Variants in ERC2 observed in about 807,000 individuals in gnomAD.
The protein encoded by ERC2 is ELKS/RAB6-interacting/CAST family member 2, also known as ERC protein 2.
In ERC2, 42 loss-of-function variants were observed where a neutral mutation model predicts 114.8. The observed-to-expected ratio is 0.37, with a 90% CI of 0.29 to 0.47. ERC2 has a LOEUF of 0.47. ERC2 is among the 20% of genes least tolerant of loss of function. The pLI is 0.99. For synonymous variants in ERC2, 454 were observed against 425.5 expected (o/e 1.07, Z -0.82); for missense variants, 939 against 1,150.7 (o/e 0.82, Z 2.66).
chr3:55,838,532 A>C (rs541816878), intron 14 of ERC2, among the ~76,000 whole-genome samples: 2 of 152,080 alleles, frequency 1.3e-5, no homozygotes, highest in Non-Finnish European at 2.9e-5. Flanking sequence ...ATATTAAAGC[A>C]TACAGAATGT....
chr3:55,662,095 C>T (rs1197624165), intron 17 of ERC2, among the ~76,000 whole-genome samples: 1 of 152,204 alleles, frequency 6.6e-6, no homozygotes, highest in Admixed American at 6.6e-5. Context: ...CCTGCATTAA[C>T]ACAAACAGGA....
chr3:55,734,643 C>G (rs2065510363), intron 15 of ERC2, 128 bp downstream of exon 15: 1 of 1,149,400 alleles, frequency 8.7e-7, no homozygotes. Context: ...GTCCATTGCA[C>G]TCCTACCTGG....
In ERC2 at chr3:55,729,837, CA is replaced by C. The variant is rs71096498; in HGVS notation, c.2712+4933del. 8.6e-4 allele frequency among the ~76,000 whole-genome samples: 53 copies of C among 61,624 alleles called. 1 individual carries two copies. Among genetic ancestry groups the C allele is most frequent in the East Asian group, 2.3e-3 (4 of 1,746 alleles). 40.4% of individuals were successfully genotyped at this position (61,624 alleles called of 152,430 possible). The stretch of plus-strand genomic sequence containing the variant: ...AGGGTAATGCAGTGAGACTCTATCG[CA>C]AAAAAAAAAAAAAAAAAAAAAAAAA... On this transcript the variant is annotated intron_variant, in intron 15 of 17. Transcript: ENST00000288221.
At position 55,775,584 on chromosome 3, in the gene ERC2, A is replaced by AT. The variant is rs71096501; in HGVS notation, c.2565-40667_2565-40666insA. ...AATAAATAAATAAATAAATAAATAA[A>AT]AAAGGAAAAAGTGAGACAGACAGAG... On this transcript the variant is annotated intron_variant, in intron 14 of 17. Coordinates refer to ENST00000288221, the MANE Select transcript of ERC2 (RefSeq NM_015576.3). 9.4e-5 allele frequency among the ~76,000 whole-genome samples: 14 copies of AT among 148,174 alleles called. No homozygotes were observed. In the East Asian group the frequency reaches 1.6e-3, roughly 17 times the overall value.
At position 56,296,367 on chromosome 3, in the gene ERC2, G is replaced by C. The variant is rs764188610; in HGVS notation, c.726C>G (p.Leu242=). 6.8e-6 allele frequency: 11 copies of C among 1,614,028 alleles called. No homozygotes were observed. Among genetic ancestry groups the C allele is most frequent in the Non-Finnish European group, 9.3e-6 (11 of 1,179,878 alleles). The change falls in exon 3 of 18, where the codon CTC becomes CTG. Residue 242 remains leucine (L), a synonymous_variant. Coordinates refer to ENST00000288221, the MANE Select transcript of ERC2 (RefSeq NM_015576.3). The part of the protein sequence containing the change: ...LRTQRDLNHL[L]QQESGNRGAE... ...CTCCTCGGTTGCCACTCTCTTGCTG[G>C]AGGAGGTGGTTGAGGTCTCTCTGGG...
chr3:55,698,871 A>G (rs1446491223), intron 16 of ERC2, among the ~76,000 whole-genome samples: 1 of 152,074 alleles, frequency 6.6e-6, no homozygotes, highest in African/African-American at 2.4e-5. Context: ...TCAAGGGAGG[A>G]GATAGGGTCC....
chr3:55,900,497 C>T (rs1472491336), intron 13 of ERC2, among the ~76,000 whole-genome samples: 4 of 152,096 alleles, frequency 2.6e-5, no homozygotes, highest in African/African-American at 9.7e-5. Flanking sequence ...GGGACAATTC[C>T]AAGGAAGGAG....
intron 16 of ERC2, among the ~76,000 whole-genome samples, chr3:55,688,009 T>C (rs187203112): frequency 1.3e-5 from 2 of 152,340 alleles, no homozygotes; most frequent in East Asian, 3.9e-4. Context: ...TTTCTCCTGC[T>C]TCCTGGAATG....
At chr3:56,360,891 G>C (rs1246851244) in intron 2 of ERC2, among the ~76,000 whole-genome samples, 2 of 152,168 alleles carry the variant, frequency 1.3e-5, no homozygotes, top group African/African-American at 2.4e-5. Flanking sequence ...CTGGGTGACA[G>C]AGTGAGACTC....
intron 17 of ERC2, among the ~76,000 whole-genome samples, chr3:55,640,953 C>T (rs1277182923): frequency 6.6e-6 from 1 of 152,138 alleles, no homozygotes; most frequent in Non-Finnish European, 1.5e-5. Context: ...ATTTCTTAGC[C>T]ATATAGTAAT....
At chr3:55,603,539 G>T (rs1268268042) in intron 17 of ERC2, among the ~76,000 whole-genome samples, 1 of 151,874 alleles carries the variant, frequency 6.6e-6, no homozygotes, top group South Asian at 2.1e-4. Context: ...GGCTGAGGCA[G>T]GAGAACTGCG....
intron 13 of ERC2, among the ~76,000 whole-genome samples, chr3:55,939,866 T>C (rs2066671815): frequency 6.6e-6 from 1 of 152,236 alleles, no homozygotes; most frequent in Non-Finnish European, 1.5e-5. Flanking sequence ...GTGTCCAGAC[T>C]GTCAGAGTTC....
chr3:55,753,887 T>G (rs2066883416), intron 14 of ERC2, among the ~76,000 whole-genome samples: 1 of 152,228 alleles, frequency 6.6e-6, no homozygotes, highest in South Asian at 2.1e-4. Flanking sequence ...TGGGTTTAAA[T>G]TCTGGTTCTG....
intron 14 of ERC2, among the ~76,000 whole-genome samples, chr3:55,793,895 G>A (rs772819202): frequency 6.6e-6 from 1 of 152,182 alleles, no homozygotes; most frequent in South Asian, 2.1e-4. Flanking sequence ...ATTTGGATGT[G>A]TTCAAGTAAA....
At chr3:55,737,892 T>C (rs1208767848) in intron 14 of ERC2, among the ~76,000 whole-genome samples, 1 of 152,136 alleles carries the variant, frequency 6.6e-6, no homozygotes, top group Non-Finnish European at 1.5e-5. Context: ...CTGCCCCATA[T>C]AATAGTGTCT....
At chr3:55,736,746 A>T (rs1476051981) in intron 14 of ERC2, among the ~76,000 whole-genome samples, 1 of 152,172 alleles carries the variant, frequency 6.6e-6, no homozygotes, top group Non-Finnish European at 1.5e-5. Context: ...TTTAAAAAAA[A>T]TTAGAATGCT....
chr3:55,552,507 A>C (rs1213156472), intron 17 of ERC2, among the ~76,000 whole-genome samples: 13 of 152,152 alleles, frequency 8.5e-5, no homozygotes, highest in African/African-American at 3.1e-4. Context: ...CCATGTTTAC[A>C]AGCTGCGTAA....
intron 2 of ERC2, among the ~76,000 whole-genome samples, chr3:56,349,912 CAAA>C (rs35271051): frequency 8.0e-6 from 1 of 125,228 alleles, no homozygotes. Context: ...GACTCCGTCT[CAAA>C]AAAAAAAAAA....
At chr3:55,909,840 T>A (rs2149361040) in intron 13 of ERC2, among the ~76,000 whole-genome samples, 1 of 152,308 alleles carries the variant, frequency 6.6e-6, no homozygotes, top group East Asian at 1.9e-4. Flanking sequence ...TTAATTTGAC[T>A]TAGAAAACAC....
Sources: gnomAD v4.1 joint callset for allele counts (sites outside exome capture counted in the v4.1 genomes callset) on GRCh38, gnomAD v4.1.1 for gene constraint, MANE v1.5 for transcripts, NCBI Gene and HGNC (gene_info 2026-07-23, HGNC 2026-07-21) for gene names.